Variants in OGDH observed in about 807,000 individuals in gnomAD.
The protein encoded by OGDH is oxoglutarate dehydrogenase.
OGDH carries 38 observed loss-of-function variants against 116.6 expected under a neutral mutation model. The ratio of observed to expected loss-of-function variants is 0.33; its 90% CI spans 0.25 to 0.43. The LOEUF is 0.43. OGDH is among the 20% of genes least tolerant of loss of function. The pLI is 1.00. For missense variants in OGDH, 825 were observed against 1,357.2 expected (o/e 0.61, Z 6.16); for synonymous variants, 488 against 533.3 (o/e 0.92, Z 1.17).
chr7:44,640,754 C>A (rs921788586), intron 2 of OGDH, among the ~76,000 whole-genome samples: 2 of 152,072 alleles, frequency 1.3e-5, no homozygotes, highest in Non-Finnish European at 2.9e-5. Context: ...CATGCCCTAT[C>A]CATGAACCTG....
intron 2 of OGDH, among the ~76,000 whole-genome samples, chr7:44,639,140 G>A (rs1048007521): frequency 2.6e-5 from 4 of 152,214 alleles, no homozygotes; most frequent in Admixed American, 2.6e-4. Flanking sequence ...GGAGGGCTCT[G>A]CAGGTCCCCT....
At chr7:44,705,058 T>C (rs1460119062) in intron 20 of OGDH, among the ~76,000 whole-genome samples, 1 of 124,450 alleles carries the variant, frequency 8.0e-6, no homozygotes, top group Non-Finnish European at 1.5e-5. Context: ...TTTCTTTTTT[T>C]TTTTTTTTTT....
At chr7:44,696,248 C>T in intron 13 of OGDH, 121 bp downstream of exon 13, 1 of 1,025,428 alleles carries the variant, frequency 9.8e-7, no homozygotes, top group Non-Finnish European at 1.5e-6. Flanking sequence ...TTGTATGCAC[C>T]ATTTCAGCAA....
chr7:44,641,992 C>T (rs1213468124), intron 2 of OGDH, among the ~76,000 whole-genome samples: 1 of 152,226 alleles, frequency 6.6e-6, no homozygotes, highest in African/African-American at 2.4e-5. Flanking sequence ...GGTGGAAATA[C>T]TGCCTTTTCT....
At chr7:44,667,346 A>C (rs1317627347) in intron 5 of OGDH, among the ~76,000 whole-genome samples, 1 of 152,126 alleles carries the variant, frequency 6.6e-6, no homozygotes, top group Non-Finnish European at 1.5e-5. Flanking sequence ...AGGGGAAGTA[A>C]ATTCTGCTTT....
intron 1 of OGDH, among the ~76,000 whole-genome samples, chr7:44,607,581 C>A (rs1488755025): frequency 1.3e-5 from 2 of 152,186 alleles, no homozygotes; most frequent in African/African-American, 4.8e-5. Context: ...GCACTAGTTG[C>A]AACAGTCAAA....
chr7:44,612,865 T>TTTTC (rs1784619005), intron 1 of OGDH, among the ~76,000 whole-genome samples: 1 of 147,368 alleles, frequency 6.8e-6, no homozygotes, highest in Non-Finnish European at 1.5e-5. Flanking sequence ...CTGGCTGTTT[T>TTTTC]TTTTCTTTTC....
chr7:44,630,833 CAG>C (rs1173982952), intron 2 of OGDH, among the ~76,000 whole-genome samples: 3 of 152,190 alleles, frequency 2.0e-5, no homozygotes, highest in African/African-American at 2.4e-5. Flanking sequence ...ACTGAGGGAT[CAG>C]GGGAGGATGG....
chr7:44,693,213 C>T (rs1472243950), intron 10 of OGDH, among the ~76,000 whole-genome samples: 1 of 151,554 alleles, frequency 6.6e-6, no homozygotes, highest in East Asian at 1.9e-4. Flanking sequence ...GAGGCTAAGG[C>T]AGGATAATCG....
intron 5 of OGDH, 61 bp downstream of exon 5, chr7:44,666,912 CTTTGAGACTAGTTTTA>C: frequency 1.0e-6 from 1 of 966,088 alleles, no homozygotes; most frequent in Admixed American, 2.4e-5. Flanking sequence ...GGCAGGATGG[CTTTGAGACTAGTTTTA>C]TTTTTTTTCT....
chr7:44,705,681 G>A (rs1270784035), intron 20 of OGDH, among the ~76,000 whole-genome samples: 1 of 152,128 alleles, frequency 6.6e-6, no homozygotes, highest in Non-Finnish European at 1.5e-5. Context: ...GGGATTACAT[G>A]TGTGAGCCAC....
intron 20 of OGDH, among the ~76,000 whole-genome samples, chr7:44,702,071 C>CAAA (rs79579664): frequency 1.7e-5 from 1 of 57,426 alleles, no homozygotes; most frequent in Non-Finnish European, 4.0e-5. Flanking sequence ...AACTCCGGCA[C>CAAA]AAAAAAAAAA....
chr7:44,683,840 GT>G (rs1788027338), intron 10 of OGDH, among the ~76,000 whole-genome samples: 1 of 152,132 alleles, frequency 6.6e-6, no homozygotes, highest in African/African-American at 2.4e-5. Context: ...GTAGCTAAGG[GT>G]TCCCCTCATC....
Position 44,700,167 on chromosome 7 carries a change from C to T in OGDH, c.2457C>T (p.Ile819=), listed in dbSNP as rs758286135. ...LPDLKEANFD[I]NQLYDCNWVV... is the part of the protein sequence containing the mutation. ...ACCTTAAAGAAGCCAACTTCGACAT[C>T]AATCAGCTATATGACTGCAATTGGG... The change falls in exon 19 of 23, where the codon ATC becomes ATT. Residue 819 remains isoleucine (I), a synonymous_variant. Transcript: ENST00000222673. 4.3e-6 allele frequency: 7 copies of T among 1,614,096 alleles called. No homozygotes were observed. The highest frequency in any genetic ancestry group is 2.7e-5 in the African/African-American group (2 of 74,942).
chr7:44,650,457 G>A (rs536712090), intron 4 of OGDH, among the ~76,000 whole-genome samples: 9 of 152,120 alleles, frequency 5.9e-5, no homozygotes, highest in Non-Finnish European at 1.0e-4. Context: ...AGGGGTGATG[G>A]TACCTACCTC....
intron 10 of OGDH, among the ~76,000 whole-genome samples, chr7:44,690,580 A>G (rs1311081179): frequency 6.6e-6 from 1 of 152,230 alleles, no homozygotes; most frequent in African/African-American, 2.4e-5. Flanking sequence ...ATGCACAGCC[A>G]CTAGTATAGA....
At chr7:44,664,080 G>T (rs904541633) in intron 4 of OGDH, among the ~76,000 whole-genome samples, 1 of 152,148 alleles carries the variant, frequency 6.6e-6, no homozygotes, top group Admixed American at 6.5e-5. Flanking sequence ...GTCTTGTTAT[G>T]AATTATAGTT....
chr7:44,625,469 A>G (rs952162670), intron 2 of OGDH, among the ~76,000 whole-genome samples: 1 of 152,186 alleles, frequency 6.6e-6, no homozygotes, highest in Admixed American at 6.5e-5. Context: ...TTTTGAGCCA[A>G]TAAATATTTA....
In OGDH at chr7:44,627,205, C is replaced by A. The variant is rs181626568; in HGVS notation, c.222+2640C>A. Among the ~76,000 whole-genome samples the A allele has an allele frequency of 6.6e-4, 101 of 152,304 alleles. 1 individual carries two copies. The highest frequency in any genetic ancestry group is 2.7e-3 in the Admixed American group (41 of 15,294). ...AGAGACGGGGTTTCACCATGTTAGTCGGGCTGGTCTTGAACTCCTGGCCTC... is the reference window on the plus strand; with the variant it reads ...AGAGACGGGGTTTCACCATGTTAGTAGGGCTGGTCTTGAACTCCTGGCCTC... On this transcript the variant is annotated intron_variant, in intron 2 of 22. Transcript: ENST00000222673.
Sources: gnomAD v4.1 joint callset for allele counts (sites outside exome capture counted in the v4.1 genomes callset) on GRCh38, gnomAD v4.1.1 for gene constraint, MANE v1.5 for transcripts, NCBI Gene and HGNC (gene_info 2026-07-23, HGNC 2026-07-21) for gene names.